Variants in THSD7B observed in about 807,000 individuals in gnomAD.
The protein encoded by THSD7B is thrombospondin type 1 domain containing 7B, also known as thrombospondin type-1 domain-containing protein 7B.
A neutral mutation model predicts 213.6 loss-of-function variants in THSD7B; 138 were observed. The ratio of observed to expected loss-of-function variants is 0.65; its 90% CI spans 0.56 to 0.74. The LOEUF (loss-of-function observed/expected upper bound fraction) is 0.74. Ranked by LOEUF, THSD7B falls within the 30% of genes least tolerant of loss-of-function variation. The pLI, the probability that THSD7B is intolerant of heterozygous loss-of-function variation, is 0.00. For missense variants in THSD7B, 1,931 were observed against 1,991.5 expected, an observed-to-expected ratio of 0.97 and a Z score of 0.58; for synonymous variants, 742 against 687.0, an observed-to-expected ratio of 1.08 and a Z score of -1.25.
intron 1 of THSD7B, among the ~76,000 whole-genome samples, chr2:136,880,696 C>T (rs1051388696): frequency 6.6e-6 from 1 of 152,058 alleles, no homozygotes; most frequent in East Asian, 1.9e-4. Context: ...TTAACCAGAT[C>T]GTTTAAATCC....
intron 14 of THSD7B, among the ~76,000 whole-genome samples, chr2:137,433,308 A>G (rs1280355835): frequency 6.6e-6 from 1 of 152,142 alleles, no homozygotes; most frequent in East Asian, 1.9e-4. Context: ...AAGATGCTCA[A>G]AAATGTCTCT....
intron 3 of THSD7B, among the ~76,000 whole-genome samples, chr2:137,058,325 C>T (rs1687206347): frequency 6.6e-6 from 1 of 152,142 alleles, no homozygotes; most frequent in Non-Finnish European, 1.5e-5. Flanking sequence ...AAGATTCATG[C>T]AATTTGTTTG....
At chr2:137,210,299 T>A (rs1212866826) in intron 7 of THSD7B, among the ~76,000 whole-genome samples, 1 of 152,032 alleles carries the variant, frequency 6.6e-6, no homozygotes, top group Non-Finnish European at 1.5e-5. Flanking sequence ...CATGAAGTAA[T>A]CAATAGACAT....
rs559075795 is a variant in THSD7B, at chr2:137,443,172, C to T, written c.2960-7673C>T. Among the ~76,000 whole-genome samples, 70 of 152,180 alleles carry T rather than the reference C, an allele frequency of 4.6e-4. 1 individual carries two copies. The South Asian group carries it at 9.8e-3, about 21-fold the overall frequency. On this transcript the variant is annotated intron_variant, in intron 14 of 27. Transcript: ENST00000409968. ...CTTTTCTCTGCCTGGAGGAACCTGG[C>T]ACAAGGGAGTTAATGTTGCAAGCTC...
intron 17 of THSD7B, among the ~76,000 whole-genome samples, chr2:137,580,713 G>A (rs930265938): frequency 1.5e-4 from 23 of 152,188 alleles, no homozygotes; most frequent in African/African-American, 4.1e-4. Flanking sequence ...CCTGCAAGCT[G>A]TACAGGAAGC....
At chr2:137,614,469 T>G (rs564127127) in intron 17 of THSD7B, among the ~76,000 whole-genome samples, 1 of 152,262 alleles carries the variant, frequency 6.6e-6, no homozygotes, top group Non-Finnish European at 1.5e-5. Context: ...CATTAATTGA[T>G]TACTTTATAA....
chr2:136,890,047 A>G (rs1341020766), intron 2 of THSD7B, among the ~76,000 whole-genome samples: 1 of 152,020 alleles, frequency 6.6e-6, no homozygotes, highest in African/African-American at 2.4e-5. Context: ...TTTCCTTCAG[A>G]ATTTTGAAAG....
intron 16 of THSD7B, among the ~76,000 whole-genome samples, chr2:137,567,741 G>A (rs1452972843): frequency 6.6e-6 from 1 of 152,088 alleles, no homozygotes; most frequent in South Asian, 2.1e-4. Flanking sequence ...TTTGAGTTGA[G>A]GAACATTAGA....
chr2:137,515,369 C>G (rs1573678115), intron 15 of THSD7B, among the ~76,000 whole-genome samples: 1 of 152,084 alleles, frequency 6.6e-6, no homozygotes, highest in Non-Finnish European at 1.5e-5. Flanking sequence ...TGATGGCCTC[C>G]CCTGAGGCAG....
intron 1 of THSD7B, among the ~76,000 whole-genome samples, chr2:136,819,694 C>G (rs942165627): frequency 1.3e-5 from 2 of 152,158 alleles, no homozygotes; most frequent in Non-Finnish European, 2.9e-5. Context: ...ATGCCCCCCC[C>G]AGTCCAGCTG....
At chr2:137,365,995 TGTCCATCAG>T (rs1310780920) in intron 12 of THSD7B, among the ~76,000 whole-genome samples, 1 of 152,222 alleles carries the variant, frequency 6.6e-6, no homozygotes, top group Non-Finnish European at 1.5e-5. Flanking sequence ...CCAACCCAAA[TGTCCATCAG>T]TGGTAGACTG....
rs765441029 is a variant in THSD7B, at chr2:137,642,591, C to A, written c.3903C>A (p.Cys1301Ter). 1 of 1,613,876 alleles carries A rather than the reference C, an allele frequency of 6.2e-7. No homozygotes were observed. The change falls in exon 21 of 28, where the codon TGC becomes TGA. Residue 1301 changes from cysteine (C) to a stop codon, truncating the protein, a stop_gained. Transcript: ENST00000409968. LOFTEE classifies it high-confidence loss of function. Reference sequence around the variant, plus strand: ...AGAAAACCTGCCCAGTGACCCCCTGCTACAGCTGGGTCCTTGGCAACTGGT... The same window carrying A: ...AGAAAACCTGCCCAGTGACCCCCTGATACAGCTGGGTCCTTGGCAACTGGT... The part of the protein sequence containing the change: ...TQEKTCPVTP[C>*]YSWVLGNWSA...
intron 5 of THSD7B, among the ~76,000 whole-genome samples, chr2:137,136,579 G>A (rs1037693875): frequency 1.3e-4 from 20 of 152,294 alleles, no homozygotes; most frequent in Non-Finnish European, 2.6e-4. Context: ...AGCTATGAAA[G>A]GCGTAAAGTT....
At chr2:137,186,608 C>T (rs1680556477) in intron 7 of THSD7B, among the ~76,000 whole-genome samples, 1 of 152,108 alleles carries the variant, frequency 6.6e-6, no homozygotes, top group African/African-American at 2.4e-5. Flanking sequence ...GGTTTGATTA[C>T]TGTTGTCTTG....
chr2:137,232,624 A>G (rs1273410118), intron 8 of THSD7B, among the ~76,000 whole-genome samples: 6 of 152,234 alleles, frequency 3.9e-5, no homozygotes, highest in Non-Finnish European at 7.3e-5. Flanking sequence ...TCAGAGATAC[A>G]TGCTGCAGTG....
chr2:137,636,722 A>G (rs1682838886), intron 20 of THSD7B, among the ~76,000 whole-genome samples: 1 of 152,256 alleles, frequency 6.6e-6, no homozygotes, highest in Non-Finnish European at 1.5e-5. Context: ...ATTTATGCTC[A>G]GAAGAGTTAA....
At chr2:137,018,508 A>C (rs1406912273) in intron 2 of THSD7B, among the ~76,000 whole-genome samples, 11 of 152,190 alleles carry the variant, frequency 7.2e-5, no homozygotes, top group Admixed American at 6.5e-4. Context: ...ATTCACCAGC[A>C]CATGTTTCAT....
intron 14 of THSD7B, among the ~76,000 whole-genome samples, chr2:137,443,820 A>G (rs997506370): frequency 5.3e-5 from 8 of 152,076 alleles, no homozygotes; most frequent in African/African-American, 1.9e-4. Flanking sequence ...GATGTAATAT[A>G]ATTTAATAAG....
At chr2:137,266,649 A>G (rs1467578031) in intron 10 of THSD7B, among the ~76,000 whole-genome samples, 1 of 152,200 alleles carries the variant, frequency 6.6e-6, no homozygotes, top group Non-Finnish European at 1.5e-5. Flanking sequence ...TAATTTTTAA[A>G]ATCTGTTAGA....
Sources: gnomAD v4.1 joint callset for allele counts (sites outside exome capture counted in the v4.1 genomes callset) on GRCh38, gnomAD v4.1.1 for gene constraint, MANE v1.5 for transcripts, NCBI Gene and HGNC (gene_info 2026-07-23, HGNC 2026-07-21) for gene names.